Variants in CALD1 observed in about 807,000 individuals in gnomAD.
The protein encoded by CALD1 is caldesmon 1, also known as caldesmon.
Under a neutral mutation model 99.9 loss-of-function variants are expected in CALD1, and 33 were observed. The ratio of observed to expected loss-of-function variants is 0.33; its 90% CI spans 0.25 to 0.44. CALD1 has a LOEUF of 0.44. Among genes scored for constraint, CALD1 ranks in the 20% least tolerant of loss-of-function variants. The pLI is 1.00. For synonymous variants in CALD1, 310 were observed against 325.0 expected, an observed-to-expected ratio of 0.95 and a Z score of 0.50; for missense variants, 861 against 962.1, an observed-to-expected ratio of 0.89 and a Z score of 1.39.
chr7:134,933,436 A>G lies in CALD1; in HGVS notation c.667A>G (p.Thr223Ala), dbSNP rs761440531. The G allele has an allele frequency of 6.2e-7, 1 of 1,613,866 alleles. No homozygotes were observed. Among genetic ancestry groups the G allele is most frequent in the South Asian group, 1.1e-5 (1 of 91,042 alleles). ...GAAAACAACTGAAAGCCAGGAGGAA[A>G]CAGTGGTAATGTCATTAAAAAATGG... ...EEKTTESQEE[T>A]VVMSLKNGQI... Residue 223 changes from threonine (T) to alanine (A), a missense_variant, in exon 5 of 15, where the codon ACA (threonine) becomes GCA (alanine). Thr to Ala is a moderately conservative substitution (Grantham distance 58). Coordinates refer to ENST00000361675, the MANE Select transcript of CALD1 (RefSeq NM_033138.4).
chr7:134,824,916 T>C (rs1798929706), intron 1 of CALD1, among the ~76,000 whole-genome samples: 1 of 152,206 alleles, frequency 6.6e-6, no homozygotes, highest in Admixed American at 6.6e-5. Context: ...ATGTCTCTGA[T>C]GATGGCAAGA....
chr7:134,965,600 T>C (rs1808615933), intron 14 of CALD1, among the ~76,000 whole-genome samples: 1 of 152,160 alleles, frequency 6.6e-6, no homozygotes, highest in South Asian at 2.1e-4. Context: ...ATCCATGGAA[T>C]GGTTCTCAGT....
intron 3 of CALD1, among the ~76,000 whole-genome samples, chr7:134,911,147 A>G (rs1247075106): frequency 6.9e-6 from 1 of 145,974 alleles, no homozygotes; most frequent in Non-Finnish European, 1.5e-5. Flanking sequence ...TTGGTTTAAT[A>G]TGGTTTTGTC....
rs144296959 is a variant in CALD1 at position 134,783,945 on chromosome 7, G to T, written c.-130+4196G>T. 1.2e-4 allele frequency among the ~76,000 whole-genome samples: 19 copies of T among 152,308 alleles called. No individual in the cohort carries two copies. The East Asian group carries it at 1.7e-3, about 14-fold the overall frequency. ...GAAAAGAAGCAATTTTCTATGGGGA[G>T]CTCGTGGGGGCTAGAGAAATCCAGG... On this transcript the variant is annotated intron_variant, in intron 1 of 14. Coordinates refer to ENST00000361675, the MANE Select transcript of CALD1 (RefSeq NM_033138.4). The surrounding 1 kb of genome is among the most constrained non-coding windows in gnomAD (Gnocchi z 4.3).
intron 1 of CALD1, among the ~76,000 whole-genome samples, chr7:134,781,612 C>T (rs1222720104): frequency 6.6e-6 from 1 of 152,202 alleles, no homozygotes; most frequent in Non-Finnish European, 1.5e-5. Context: ...ACAATGAAAA[C>T]AGTAACTTTC....
At chr7:134,891,742 TTG>T in intron 3 of CALD1, 1 of 762,260 alleles carries the variant, frequency 1.3e-6, no homozygotes. Flanking sequence ...AAACGAATTG[TTG>T]TAAAAAAAAA....
chr7:134,769,397 T>C (rs1337368427), intron 1 of CALD1, among the ~76,000 whole-genome samples: 1 of 152,240 alleles, frequency 6.6e-6, no homozygotes, highest in Non-Finnish European at 1.5e-5. Flanking sequence ...TTGTACATCA[T>C]CAACAACGTT....
At chr7:134,778,399 C>T (rs1487004678), upstream of CALD1, among the ~76,000 whole-genome samples, 1 of 152,118 alleles carries the variant, frequency 6.6e-6, no homozygotes, top group Non-Finnish European at 1.5e-5. Flanking sequence ...TTTTAAAGAC[C>T]AGTATCTGGA....
intron 9 of CALD1, among the ~76,000 whole-genome samples, chr7:134,955,426 C>G (rs1214638157): frequency 6.6e-6 from 1 of 152,120 alleles, no homozygotes; most frequent in Non-Finnish European, 1.5e-5. Flanking sequence ...TCTTAGCTTG[C>G]TTAGGTTGCC....
chr7:134,765,614 G>A (rs1796818517), intron 1 of CALD1, among the ~76,000 whole-genome samples: 1 of 152,192 alleles, frequency 6.6e-6, no homozygotes, highest in South Asian at 2.1e-4. Context: ...ATTCCCAGGT[G>A]ATATCGTTTG....
At chr7:134,888,809 T>C (rs1286165271) in intron 3 of CALD1, among the ~76,000 whole-genome samples, 1 of 151,894 alleles carries the variant, frequency 6.6e-6, no homozygotes. Context: ...CAAAGGAGGG[T>C]GCGCGCTGTT....
intron 3 of CALD1, among the ~76,000 whole-genome samples, chr7:134,902,870 C>CT (rs1803098860): frequency 6.6e-6 from 1 of 152,130 alleles, no homozygotes; most frequent in Non-Finnish European, 1.5e-5. Flanking sequence ...ATCATGTACT[C>CT]TGTGGCTTAA....
rs534130893 is a variant in CALD1 at position 134,781,413 on chromosome 7, C to T, written c.-130+1664C>T. ...TCCCCCATCCCCCTTCTCTTGGGCT[C>T]CCCACCCCCAACAACCATAAAAACA... On this transcript the variant is annotated intron_variant, in intron 1 of 14. Coordinates refer to ENST00000361675, the MANE Select transcript of CALD1 (RefSeq NM_033138.4). Among the ~76,000 whole-genome samples the T allele has an allele frequency of 5.3e-5, 8 of 152,204 alleles. No homozygotes were observed. In the East Asian group the frequency reaches 1.5e-3, roughly 29 times the overall value.
At chr7:134,840,804 C>T (rs1031383677) in intron 1 of CALD1, among the ~76,000 whole-genome samples, 1 of 152,162 alleles carries the variant, frequency 6.6e-6, no homozygotes, top group Non-Finnish European at 1.5e-5. Flanking sequence ...TAATAAAAAA[C>T]AACTAGTTTC....
chr7:134,901,778 T>A (rs1226175603), intron 3 of CALD1, among the ~76,000 whole-genome samples: 2 of 152,104 alleles, frequency 1.3e-5, no homozygotes, highest in Non-Finnish European at 2.9e-5. Context: ...AGTGCTTCCA[T>A]AATTTCATAC....
chr7:134,966,657 G>A (rs533504239), intron 14 of CALD1, among the ~76,000 whole-genome samples: 6 of 152,168 alleles, frequency 3.9e-5, no homozygotes, highest in South Asian at 4.1e-4. Context: ...CACCTGATCC[G>A]AGCCTGCATT....
chr7:134,732,161 T>C, the CALD1 span, among the ~76,000 whole-genome samples: 1 of 152,200 alleles, frequency 6.6e-6, no homozygotes, highest in Non-Finnish European at 1.5e-5. Flanking sequence ...TCCTAACAGG[T>C]CTCTCTGCTT....
chr7:134,887,646 C>T (rs892050657), intron 3 of CALD1, among the ~76,000 whole-genome samples: 10 of 150,258 alleles, frequency 6.7e-5, no homozygotes. Context: ...ACATGCATGT[C>T]TGTATGTGTG....
In CALD1 at chr7:134,933,618, G is replaced by A. The variant is rs751716254; in HGVS notation, c.849G>A (p.Glu283=). The change falls in exon 5 of 15, where the codon GAG becomes GAA. Residue 283 remains glutamate, a synonymous_variant. Transcript: ENST00000361675. ...EAEERERIKA[E]QDKKIADERA... ...AAGAAAGAGAAAGAATTAAAGCCGAGCAAGACAAAAAGATAGCAGATGAAC... is the reference window on the plus strand; with the variant it reads ...AAGAAAGAGAAAGAATTAAAGCCGAACAAGACAAAAAGATAGCAGATGAAC... The A allele has an allele frequency of 6.2e-7, 1 of 1,612,134 alleles. No individual in the cohort carries two copies. Among genetic ancestry groups the A allele is most frequent in the Non-Finnish European group, 8.5e-7 (1 of 1,179,138 alleles).
Sources: gnomAD v4.1 joint callset for allele counts (sites outside exome capture counted in the v4.1 genomes callset) on GRCh38, gnomAD v4.1.1 for gene constraint, Gnocchi (gnomAD v3.1) non-coding constraint, MANE v1.5 for transcripts, NCBI Gene and HGNC (gene_info 2026-07-23, HGNC 2026-07-21) for gene names.